Variants in HSD3B2 observed in about 807,000 individuals in gnomAD.
HSD3B2 encodes 3 beta-hydroxysteroid dehydrogenase/Delta 5-->4-isomerase type 2.
A neutral mutation model predicts 9.9 loss-of-function variants in HSD3B2; 8 were observed. The observed-to-expected ratio is 0.81, with a 90% CI of 0.47 to 1.46. The LOEUF is 1.46. Ranked by LOEUF, HSD3B2 falls within the 40% of genes most tolerant of loss-of-function variation. The probability of loss-of-function intolerance (pLI) is 0.00; values close to 1 mark genes in which losing one functional copy is unlikely to be tolerated. For missense variants in HSD3B2, 410 were observed against 448.3 expected, an observed-to-expected ratio of 0.91 and a Z score of 0.77; for synonymous variants, 221 against 184.5, an observed-to-expected ratio of 1.20 and a Z score of -1.60.
chr1:119,422,833 G>T lies in HSD3B2; in HGVS notation c.*213G>T. The T allele has an allele frequency of 1.6e-6, 1 of 623,946 alleles. No individual in the cohort carries two copies. Among genetic ancestry groups the T allele is most frequent in the Non-Finnish European group, 2.8e-6 (1 of 352,816 alleles). The allele number at this position is 623,946 out of a possible 1,614,324, so 38.7% of individuals were successfully genotyped here. On this transcript the variant is annotated 3_prime_UTR_variant, in exon 4 of 4. Transcript: ENST00000369416. ...TTTCTGTCCTAATCATACACCAGAAGACAAACAATATGATTTGCTGTTACC... is the reference window on the plus strand; with the variant it reads ...TTTCTGTCCTAATCATACACCAGAATACAAACAATATGATTTGCTGTTACC...
chr1:119,419,175 G>A (rs931362703), intron 2 of HSD3B2, among the ~76,000 whole-genome samples: 1 of 152,142 alleles, frequency 6.6e-6, no homozygotes, highest in African/African-American at 2.4e-5. Flanking sequence ...ACAATTCACT[G>A]CTCACATTAC....
At position 119,421,875 on chromosome 1, in the gene HSD3B2, T is replaced by C. The variant is rs1419207546; in HGVS notation, c.374T>C (p.Ile125Thr). ...SVPVFIYTSS[I>T]EVAGPNSYKE... ...CCAGTCTTCATCTACACCAGTAGCA[T>C]AGAGGTAGCCGGGCCCAACTCCTAC... is the stretch of plus-strand genomic sequence containing the variant. The change falls in exon 4 of 4, where the codon ATA becomes ACA. Residue 125 changes from isoleucine (I) to threonine (T), a missense_variant. Ile to Thr is a moderately conservative substitution (Grantham distance 89, BLOSUM62 -1). Coordinates refer to ENST00000369416, the MANE Select transcript of HSD3B2 (RefSeq NM_000198.4). The C allele has an allele frequency of 6.8e-6, 11 of 1,613,842 alleles. No individual in the cohort carries two copies. The highest frequency in any genetic ancestry group is 5.3e-5 in the African/African-American group (4 of 74,858).
chr1:119,419,490 G>C lies in HSD3B2; in HGVS notation c.215G>C (p.Cys72Ser). 6.2e-7 allele frequency: 1 copy of C among 1,613,770 alleles called. No individual in the cohort carries two copies. The highest frequency in any genetic ancestry group is 8.5e-7 in the Non-Finnish European group (1 of 1,179,760). Reference sequence around the variant, plus strand: ...GATGAGCCATTCCTGAAAAGAGCCTGCCAGGACGTCTCGGTCGTCATCCAC... The same window carrying C: ...GATGAGCCATTCCTGAAAAGAGCCTCCCAGGACGTCTCGGTCGTCATCCAC... ...ILDEPFLKRA[C>S]QDVSVVIHTA... The change falls in exon 3 of 4, where the codon TGC (cysteine) becomes TCC (serine). Residue 72 changes from cysteine (C) to serine (S), a missense_variant. Physicochemically the swap from Cys to Ser is moderately radical, Grantham distance 112. Coordinates refer to ENST00000369416, the MANE Select transcript of HSD3B2 (RefSeq NM_000198.4).
Position 119,422,765 on chromosome 1 carries a change from T to C in HSD3B2, c.*145T>C, listed in dbSNP as rs1651931177. On this transcript the variant is annotated 3_prime_UTR_variant, in exon 4 of 4. Transcript: ENST00000369416. The stretch of plus-strand genomic sequence containing the variant: ...ACACAATGCCCAACTTACTGTCTTC[T>C]TCATGTCATCAAAATCTGCACAGTC... 3 of 965,182 alleles carry C rather than the reference T, an allele frequency of 3.1e-6. No homozygotes were observed. Among genetic ancestry groups the C allele is most frequent in the East Asian group, 5.2e-5 (2 of 38,366 alleles). The allele number at this position is 965,182 out of a possible 1,614,324, so 59.8% of individuals were successfully genotyped here.
chr1:119,416,733 T>A (rs1570817540), intron 2 of HSD3B2, among the ~76,000 whole-genome samples: 1 of 152,220 alleles, frequency 6.6e-6, no homozygotes, highest in African/African-American at 2.4e-5. Flanking sequence ...ACTCTCCTCT[T>A]CTTTCACTCT....
intron 3 of HSD3B2, among the ~76,000 whole-genome samples, chr1:119,421,248 C>T (rs1044854910): frequency 6.6e-6 from 1 of 151,274 alleles, no homozygotes; most frequent in Non-Finnish European, 1.5e-5. Flanking sequence ...AGTATAGCCT[C>T]CTGATTTTTT....
chr1:119,419,869 A>C (rs587649531), intron 3 of HSD3B2: 12 of 416,110 alleles, frequency 2.9e-5, no homozygotes, highest in African/African-American at 2.2e-4. Flanking sequence ...AAGGCTGTGG[A>C]AGCTCTTTCT....
At chr1:119,416,174 T>A (rs1651703298) in intron 2 of HSD3B2, among the ~76,000 whole-genome samples, 2 of 147,762 alleles carry the variant, frequency 1.4e-5, no homozygotes, top group African/African-American at 5.0e-5. Flanking sequence ...AGAGAGAGAG[T>A]GAAAGTGAGA....
chr1:119,421,403 G>GTA (rs1321607256), intron 3 of HSD3B2, among the ~76,000 whole-genome samples: 42 of 66,830 alleles, frequency 6.3e-4, no homozygotes, highest in East Asian at 3.5e-3. Context: ...ATATATATAT[G>GTA]TATATATATA....
intron 2 of HSD3B2, 105 bp downstream of exon 2, chr1:119,415,666 A>G (rs1209655151): frequency 8.3e-7 from 1 of 1,211,182 alleles, no homozygotes; most frequent in African/African-American, 1.5e-5. Context: ...AGCCAAATGA[A>G]AGCCAGTCAC....
In HSD3B2 at chr1:119,422,643, A is replaced by G. The variant is rs770477643; in HGVS notation, c.*23A>G. 6 of 1,612,512 alleles carry G rather than the reference A, an allele frequency of 3.7e-6. No homozygotes were observed. In the Admixed American group the frequency reaches 1.0e-4, roughly 27 times the overall value. ...TGATTTAAGGATGACAGAGATGTGCATGTGGGTATTGTTAGGAAATGTCAT... is the reference window on the plus strand; with the variant it reads ...TGATTTAAGGATGACAGAGATGTGCGTGTGGGTATTGTTAGGAAATGTCAT... On this transcript the variant is annotated 3_prime_UTR_variant, in exon 4 of 4. Transcript: ENST00000369416.
At chr1:119,419,340 A>C in intron 2 of HSD3B2, 78 bp from the exon 3 acceptor site, 5 of 1,379,816 alleles carry the variant, frequency 3.6e-6, no homozygotes, top group Non-Finnish European at 5.1e-6. Flanking sequence ...TTGAGCACCT[A>C]TGTAACATCG....
At chr1:119,416,857 C>T (rs2101338541) in intron 2 of HSD3B2, among the ~76,000 whole-genome samples, 1 of 152,278 alleles carries the variant, frequency 6.6e-6, no homozygotes, top group African/African-American at 2.4e-5. Flanking sequence ...GCAATATTTA[C>T]AATCTAACAT....
In HSD3B2 at chr1:119,422,310, T is replaced by A. The variant is rs75429891; in HGVS notation, c.809T>A (p.Ile270Asn). 1 of 1,614,120 alleles carries A rather than the reference T, an allele frequency of 6.2e-7. No homozygotes were observed. Among genetic ancestry groups the A allele is most frequent in the Non-Finnish European group, 8.5e-7 (1 of 1,180,002 alleles). Residue 270 changes from isoleucine to asparagine, a missense_variant, in exon 4 of 4, where the codon ATC becomes AAC. Coordinates refer to ENST00000369416, the MANE Select transcript of HSD3B2 (RefSeq NM_000198.4). ...CAAAGCTATGATAACCTTAATTACA[T>A]CCTGAGCAAAGAGTTTGGCCTCCGC... ...PHQSYDNLNY[I>N]LSKEFGLRLD...
Position 119,422,547 on chromosome 1 carries a change from A to T in HSD3B2, c.1046A>T (p.Lys349Met). The T allele has an allele frequency of 6.2e-7, 1 of 1,614,116 alleles. No homozygotes were observed. The highest frequency in any genetic ancestry group is 8.5e-7 in the Non-Finnish European group (1 of 1,180,002). ...YKPLYSWEEA[K>M]QKTVEWVGSL... ...CCACTCTACAGCTGGGAGGAAGCCA[A>T]GCAGAAAACCGTGGAGTGGGTTGGT... The change falls in exon 4 of 4, where the codon AAG (lysine) becomes ATG (methionine). Residue 349 changes from lysine (K) to methionine (M), a missense_variant. By Grantham distance (95) the Lys-to-Met change is moderately conservative (BLOSUM62 -1). Transcript: ENST00000369416.
intron 2 of HSD3B2, chr1:119,417,247 C>T (rs1651736038): frequency 6.6e-6 from 1 of 152,172 alleles, no homozygotes; most frequent in South Asian, 2.1e-4. Context: ...CCCTCCAGCC[C>T]AACACACAAC....
chr1:119,415,546 A>G lies in HSD3B2; in HGVS notation c.127A>G (p.Arg43Gly), dbSNP rs374785266. 6.2e-6 allele frequency: 10 copies of G among 1,613,716 alleles called. No individual in the cohort carries two copies. The highest frequency in any genetic ancestry group is 1.3e-5 in the African/African-American group (1 of 74,898). Residue 43 changes from arginine (R) to glycine (G), a missense_variant, in exon 2 of 4, where the codon AGA becomes GGA. Physicochemically the swap from Arg to Gly is moderately radical, Grantham distance 125 (BLOSUM62 -2). Transcript: ENST00000369416. ...ALDKAFRPELREEFSKLQNRT... is the reference protein window; with the variant it reads ...ALDKAFRPELGEEFSKLQNRT... ...GGACAAGGCCTTCAGACCAGAATTG[A>G]GAGAGGAATTTTCTAGTAAGTAAAC...
chr1:119,422,509 T>A lies in HSD3B2; in HGVS notation c.1008T>A (p.Asp336Glu). The A allele has an allele frequency of 6.2e-7, 1 of 1,614,106 alleles. No homozygotes were observed. Among genetic ancestry groups the A allele is most frequent in the Non-Finnish European group, 8.5e-7 (1 of 1,180,004 alleles). Reference sequence around the variant, plus strand: ...TCTCTTACAAGAAGGCTCAGCGAGATCTGGCGTATAAGCCACTCTACAGCT... The same window carrying A: ...TCTCTTACAAGAAGGCTCAGCGAGAACTGGCGTATAAGCCACTCTACAGCT... ...FTFSYKKAQR[D>E]LAYKPLYSWE... Residue 336 changes from aspartate to glutamate, a missense_variant, in exon 4 of 4, where the codon GAT (aspartate) becomes GAA (glutamate). Coordinates refer to ENST00000369416, the MANE Select transcript of HSD3B2 (RefSeq NM_000198.4).
intron 3 of HSD3B2, among the ~76,000 whole-genome samples, chr1:119,420,318 A>G (rs150589322): frequency 0.011 from 1,612 of 152,128 alleles, 27 homozygotes; most frequent in African/African-American, 0.036. Context: ...TCTCTTCAAA[A>G]CACAGCTCCC....
Sources: allele counts gnomAD v4.1 joint callset (sites outside exome capture counted in the v4.1 genomes callset), GRCh38; gene constraint gnomAD v4.1.1; transcripts MANE v1.5; gene names NCBI Gene and HGNC (gene_info 2026-07-23, HGNC 2026-07-21).